The following BRINP3 variants were observed in gnomAD, a reference collection of about 807,000 sequenced individuals.
BRINP3 encodes the protein BMP/retinoic acid-inducible neural-specific protein 3.
Under a neutral mutation model 71.0 loss-of-function variants are expected in BRINP3, and 19 were observed. The observed-to-expected ratio is 0.27, with a 90% CI of 0.19 to 0.39. The LOEUF is 0.39. BRINP3 is among the 10% of genes least tolerant of loss of function. BRINP3 has a pLI of 1.00. For missense variants in BRINP3, 959 were observed against 940.8 expected (o/e 1.02, Z -0.25); for synonymous variants, 380 against 337.7 (o/e 1.13, Z -1.37).
chr1:190,281,202 A>T (rs574404665), intron 3 of BRINP3, among the ~76,000 whole-genome samples: 66 of 152,064 alleles, frequency 4.3e-4, no homozygotes, highest in Non-Finnish European at 1.8e-4. Context: ...TACTCAAAGA[A>T]ATCTTTCCTT....
At chr1:190,207,833 T>G (rs755166284) in intron 6 of BRINP3, among the ~76,000 whole-genome samples, 17 of 152,172 alleles carry the variant, frequency 1.1e-4, no homozygotes, top group Non-Finnish European at 2.1e-4. Context: ...GCCTAGATTA[T>G]GATCCTTAAA....
chr1:190,371,315 GTACAAGT>G (rs1669851725), intron 2 of BRINP3, among the ~76,000 whole-genome samples: 2 of 152,150 alleles, frequency 1.3e-5, no homozygotes, highest in Non-Finnish European at 2.9e-5. Flanking sequence ...CAATTGTTAT[GTACAAGT>G]TTTTAATCCA....
chr1:190,183,635 G>A (rs1343164233), intron 6 of BRINP3, among the ~76,000 whole-genome samples: 2 of 152,158 alleles, frequency 1.3e-5, no homozygotes, highest in African/African-American at 4.8e-5. Context: ...ATGCTCTGCA[G>A]ATATCTCCAC....
chr1:190,300,612 C>T (rs1664606642), intron 2 of BRINP3, among the ~76,000 whole-genome samples: 2 of 152,174 alleles, frequency 1.3e-5, no homozygotes, highest in Middle Eastern at 6.8e-3. Context: ...CAAGTGGGTA[C>T]CTGACCTCTG....
chr1:190,146,116 G>T (rs748023124), intron 7 of BRINP3, among the ~76,000 whole-genome samples: 3 of 152,080 alleles, frequency 2.0e-5, no homozygotes, highest in Non-Finnish European at 4.4e-5. Flanking sequence ...CACTGCTCAG[G>T]TGATGAGTGC....
At chr1:190,107,187 T>A (rs576362146) in intron 7 of BRINP3, among the ~76,000 whole-genome samples, 1 of 152,002 alleles carries the variant, frequency 6.6e-6, no homozygotes, top group African/African-American at 2.4e-5. Context: ...ATACCTTTCA[T>A]ATAAAAATAT....
At chr1:190,319,274 T>C (rs192806025) in intron 2 of BRINP3, among the ~76,000 whole-genome samples, 2 of 152,206 alleles carry the variant, frequency 1.3e-5, no homozygotes, top group Non-Finnish European at 2.9e-5. Context: ...CCTCTTTACA[T>C]GGTTATGTCC....
At chr1:190,353,957 T>G (rs951387348) in intron 2 of BRINP3, among the ~76,000 whole-genome samples, 1 of 151,980 alleles carries the variant, frequency 6.6e-6, no homozygotes. Context: ...ATCGTATACT[T>G]TCTTTCTTGG....
intron 7 of BRINP3, among the ~76,000 whole-genome samples, chr1:190,126,834 A>G (rs1294466578): frequency 6.6e-6 from 1 of 151,826 alleles, no homozygotes; most frequent in African/African-American, 2.4e-5. Context: ...GTTTTTTTGA[A>G]TGTACATTAC....
At chr1:190,316,621 CA>C (rs1037984673) in intron 2 of BRINP3, among the ~76,000 whole-genome samples, 7 of 152,204 alleles carry the variant, frequency 4.6e-5, no homozygotes, top group African/African-American at 1.7e-4. Flanking sequence ...ATAATTTTCA[CA>C]CATTCTGACA....
At chr1:190,398,351 A>G (rs951465492) in intron 2 of BRINP3, among the ~76,000 whole-genome samples, 1 of 152,002 alleles carries the variant, frequency 6.6e-6, no homozygotes, top group Admixed American at 6.6e-5. Context: ...TATATATCTA[A>G]ATATAGCTTA....
chr1:190,401,721 G>C (rs971609433), intron 2 of BRINP3, among the ~76,000 whole-genome samples: 1 of 151,724 alleles, frequency 6.6e-6, no homozygotes, highest in African/African-American at 2.4e-5. Flanking sequence ...TACTGTAAAT[G>C]AACCCAAATT....
intron 7 of BRINP3, among the ~76,000 whole-genome samples, chr1:190,132,215 A>G (rs1487801533): frequency 6.6e-6 from 1 of 152,084 alleles, no homozygotes; most frequent in Non-Finnish European, 1.5e-5. Flanking sequence ...CCTCCTATAG[A>G]TGGGTAATTT....
chr1:190,438,635 G>A (rs1304896263), intron 2 of BRINP3, among the ~76,000 whole-genome samples: 4 of 151,758 alleles, frequency 2.6e-5, no homozygotes, highest in African/African-American at 7.2e-5. Context: ...TCCCCCTTTA[G>A]AAAATTTTGA....
intron 1 of BRINP3, among the ~76,000 whole-genome samples, chr1:190,462,901 T>C (rs897281787): frequency 6.6e-6 from 1 of 152,108 alleles, no homozygotes; most frequent in Non-Finnish European, 1.5e-5. Context: ...AGCAAGCAAG[T>C]GTTCTGAGTA....
chr1:190,132,374 T>G (rs1654614307), intron 7 of BRINP3, among the ~76,000 whole-genome samples: 1 of 152,096 alleles, frequency 6.6e-6, no homozygotes, highest in Non-Finnish European at 1.5e-5. Context: ...CGTAGTGTAT[T>G]GTATTACATC....
chr1:190,176,584 G>T (rs531293820), intron 6 of BRINP3, among the ~76,000 whole-genome samples: 20 of 152,156 alleles, frequency 1.3e-4, no homozygotes, highest in Admixed American at 2.0e-4. Context: ...TTTACTTTCT[G>T]GGAGGTTCTT....
At chr1:190,295,353 T>C (rs1664170720) in intron 2 of BRINP3, among the ~76,000 whole-genome samples, 1 of 152,096 alleles carries the variant, frequency 6.6e-6, no homozygotes, top group Admixed American at 6.6e-5. Context: ...TTCCCTCTTC[T>C]TTTCCCAACA....
At chr1:190,235,239 A>G (rs1049099698) in intron 4 of BRINP3, among the ~76,000 whole-genome samples, 1 of 152,086 alleles carries the variant, frequency 6.6e-6, no homozygotes, top group Non-Finnish European at 1.5e-5. Context: ...GTACTTAAAT[A>G]TGTAATCTCA....
Sources: allele counts gnomAD v4.1 joint callset (sites outside exome capture counted in the v4.1 genomes callset), GRCh38; gene constraint gnomAD v4.1.1; transcripts MANE v1.5; gene names NCBI Gene and HGNC (gene_info 2026-07-23, HGNC 2026-07-21).